Variants in NRG1 observed in about 807,000 individuals in gnomAD.
NRG1 encodes the protein pro-neuregulin-1, membrane-bound isoform.
In NRG1, 18 loss-of-function variants were observed where a neutral mutation model predicts 63.8. The ratio of observed to expected loss-of-function variants is 0.28; its 90% CI spans 0.19 to 0.42. The LOEUF (loss-of-function observed/expected upper bound fraction) is 0.42, where lower values mean the gene tolerates loss of function less well. NRG1 is among the 10% of genes least tolerant of loss of function. The pLI is 1.00. For synonymous variants in NRG1, 302 were observed against 301.3 expected (o/e 1.00, Z -0.02); for missense variants, 762 against 814.7 (o/e 0.94, Z 0.79).
chr8:31,669,786 C>T (rs1050935473), intron 1 of NRG1, among the ~76,000 whole-genome samples: 7 of 152,092 alleles, frequency 4.6e-5, no homozygotes, highest in Non-Finnish European at 1.0e-4. Context: ...AGATATATCA[C>T]AGATGAAGGA....
rs555665464 is a variant in NRG1 at position 31,689,580 on chromosome 8, C to G, written c.37+50149C>G. Reference sequence around the variant, plus strand: ...TTTCCCATGCTGGCCTCTGTTGCAGCTCTTCTGAAATGTAATCATTGCTTT... The same window carrying G: ...TTTCCCATGCTGGCCTCTGTTGCAGGTCTTCTGAAATGTAATCATTGCTTT... On this transcript the variant is annotated intron_variant, in intron 1 of 10. Coordinates refer to the NRG1 transcript ENST00000519301. Among the ~76,000 whole-genome samples the G allele has an allele frequency of 2.0e-5, 3 of 152,256 alleles. No homozygotes were observed. The East Asian group carries it at 5.8e-4, about 29-fold the overall frequency.
chr8:32,667,527 A>C (rs942582000), intron 5 of NRG1, among the ~76,000 whole-genome samples: 1 of 152,190 alleles, frequency 6.6e-6, no homozygotes, highest in Non-Finnish European at 1.5e-5. Flanking sequence ...GAAAACCAAG[A>C]ATTCCTATGG....
intron 1 of NRG1, among the ~76,000 whole-genome samples, chr8:31,944,273 T>C (rs919412466): frequency 6.6e-6 from 1 of 152,208 alleles, no homozygotes; most frequent in Non-Finnish European, 1.5e-5. Context: ...TACAGTGATA[T>C]TGAGTGTATA....
At chr8:32,104,580 C>G (rs1186091970) in intron 1 of NRG1, among the ~76,000 whole-genome samples, 1 of 152,056 alleles carries the variant, frequency 6.6e-6, no homozygotes, top group African/African-American at 2.4e-5. Flanking sequence ...CTTTTTGACT[C>G]TTTTTCAATA....
intron 1 of NRG1, among the ~76,000 whole-genome samples, chr8:32,458,609 A>C (rs529404875): frequency 6.6e-6 from 1 of 152,142 alleles, no homozygotes; most frequent in African/African-American, 2.4e-5. Context: ...TGATATTTTC[A>C]TCATGTGTAG....
chr8:31,702,470 C>T (rs73239835), intron 1 of NRG1, among the ~76,000 whole-genome samples: 31,661 of 148,526 alleles, frequency 0.21, 3,727 homozygotes, highest in Non-Finnish European at 0.26. Context: ...TTTTTGCAGA[C>T]TTTTCAGGGG....
chr8:32,017,725 A>G lies in NRG1; in HGVS notation c.37+378294A>G, dbSNP rs553210689. Among the ~76,000 whole-genome samples the G allele has an allele frequency of 3.9e-5, 6 of 152,324 alleles. No homozygotes were observed. In the South Asian group the frequency reaches 1.2e-3, roughly 32 times the overall value. Reference sequence around the variant, plus strand: ...ACAGAGTACAGATGAAAAGATACGTAAGGAAAGACATGGGGCAAAGGATGT... The same window carrying G: ...ACAGAGTACAGATGAAAAGATACGTGAGGAAAGACATGGGGCAAAGGATGT... On this transcript the variant is annotated intron_variant, in intron 1 of 10. Transcript: ENST00000519301.
intron 1 of NRG1, among the ~76,000 whole-genome samples, chr8:31,929,804 A>G (rs1360736718): frequency 6.6e-6 from 1 of 152,162 alleles, no homozygotes; most frequent in East Asian, 1.9e-4. Flanking sequence ...CTTACAATAT[A>G]TATATCATTC....
At chr8:32,252,143 G>T (rs1849188240) in intron 1 of NRG1, among the ~76,000 whole-genome samples, 1 of 152,040 alleles carries the variant, frequency 6.6e-6, no homozygotes, top group South Asian at 2.1e-4. Context: ...CATTCTGTAG[G>T]TTGCCTGTTC....
chr8:32,104,434 C>T (rs1830991596), intron 1 of NRG1, among the ~76,000 whole-genome samples: 1 of 152,130 alleles, frequency 6.6e-6, no homozygotes, highest in Admixed American at 6.5e-5. Context: ...TAAGACATTA[C>T]TGTACACTAC....
chr8:32,019,650 T>C (rs1225842065), intron 1 of NRG1, among the ~76,000 whole-genome samples: 1 of 152,258 alleles, frequency 6.6e-6, no homozygotes, highest in Non-Finnish European at 1.5e-5. Context: ...TTCTAGATGG[T>C]TGGTGTTTTA....
At chr8:32,340,642 A>G (rs1290892369) in intron 1 of NRG1, among the ~76,000 whole-genome samples, 1 of 152,242 alleles carries the variant, frequency 6.6e-6, no homozygotes, top group African/African-American at 2.4e-5. Context: ...ACTCATTTCA[A>G]GCTCCTGGAT....
intron 1 of NRG1, among the ~76,000 whole-genome samples, chr8:31,699,402 TA>T (rs1009444077): frequency 1.3e-5 from 2 of 152,018 alleles, no homozygotes; most frequent in African/African-American, 4.8e-5. Flanking sequence ...CTTTGCATAT[TA>T]AAAAAAATCA....
intron 5 of NRG1, among the ~76,000 whole-genome samples, chr8:32,709,309 A>C (rs1817229884): frequency 6.6e-6 from 1 of 152,202 alleles, no homozygotes; most frequent in South Asian, 2.1e-4. Context: ...TTATCACCGA[A>C]GTAAATAGAA....
chr8:32,705,106 A>G (rs1816004716), intron 5 of NRG1, among the ~76,000 whole-genome samples: 1 of 152,144 alleles, frequency 6.6e-6, no homozygotes, highest in Non-Finnish European at 1.5e-5. Context: ...TAGGAATAGC[A>G]ATCAGCATGG....
At chr8:32,534,563 T>G (rs768892876) in intron 1 of NRG1, among the ~76,000 whole-genome samples, 5 of 152,196 alleles carry the variant, frequency 3.3e-5, no homozygotes, top group South Asian at 4.1e-4. Context: ...TGAAGTCAGG[T>G]AAGTCTAATC....
intron 5 of NRG1, among the ~76,000 whole-genome samples, chr8:32,721,218 G>A (rs1820543501): frequency 6.6e-6 from 1 of 152,146 alleles, no homozygotes; most frequent in Admixed American, 6.5e-5. Flanking sequence ...GAGATGATCT[G>A]TATCCTCCTT....
At chr8:32,290,363 A>G (rs371092858) in intron 1 of NRG1, among the ~76,000 whole-genome samples, 2 of 152,090 alleles carry the variant, frequency 1.3e-5, no homozygotes, top group African/African-American at 4.8e-5. Context: ...ACATATATAT[A>G]GAGAGAGGGT....
At chr8:32,210,303 G>A (rs969907393) in intron 1 of NRG1, among the ~76,000 whole-genome samples, 2 of 152,050 alleles carry the variant, frequency 1.3e-5, no homozygotes, top group African/African-American at 4.8e-5. Flanking sequence ...GAATACCCAA[G>A]TACATATTCC....
Sources: gnomAD v4.1 joint callset for allele counts (sites outside exome capture counted in the v4.1 genomes callset) on GRCh38, gnomAD v4.1.1 for gene constraint, MANE v1.5 for transcripts, NCBI Gene and HGNC (gene_info 2026-07-23, HGNC 2026-07-21) for gene names.